The following ZSCAN32 variants were observed in gnomAD, a reference collection of about 807,000 sequenced individuals.
The protein encoded by ZSCAN32 is zinc finger and SCAN domain-containing protein 32.
A neutral mutation model predicts 47.4 loss-of-function variants in ZSCAN32; 52 were observed. That is an observed-to-expected ratio of 1.10 (90% confidence interval 0.88 to 1.38). The LOEUF (loss-of-function observed/expected upper bound fraction) is 1.38, where lower values mean the gene tolerates loss of function less well. ZSCAN32 is among the 40% of genes most tolerant of loss of function. The probability of loss-of-function intolerance (pLI) is 0.00; values close to 1 mark genes in which losing one functional copy is unlikely to be tolerated. For synonymous variants in ZSCAN32, 346 were observed against 305.7 expected (o/e 1.13, Z -1.38); for missense variants, 959 against 846.0 (o/e 1.13, Z -1.66).
intron 5 of ZSCAN32, among the ~76,000 whole-genome samples, chr16:3,389,359 T>C (rs1048026612): frequency 6.6e-6 from 1 of 152,042 alleles, no homozygotes; most frequent in Admixed American, 6.5e-5. Context: ...TAGCCAGGAG[T>C]ACCCTGCATG....
Position 3,383,722 on chromosome 16 carries a change from A to G in ZSCAN32, c.1235-11T>C, listed in dbSNP as rs375310276. ...TCTTGAACTCAAAACCTGAAAAAAA[A>G]AAACCCCACAGAAATACAATGGACT... is the stretch of plus-strand genomic sequence containing the variant. On this transcript the variant is annotated splice_polypyrimidine_tract_variant and intron_variant, in intron 6 of 6. Coordinates refer to ENST00000396852, the MANE Select transcript of ZSCAN32 (RefSeq NM_001284527.2). 4.5e-6 allele frequency: 7 copies of G among 1,564,188 alleles called. No individual in the cohort carries two copies. In the African/African-American group the frequency reaches 9.7e-5, roughly 22 times the overall value.
At chr16:3,393,170 C>CTATATT (rs1555474244) in intron 3 of ZSCAN32, among the ~76,000 whole-genome samples, 23 of 67,568 alleles carry the variant, frequency 3.4e-4, no homozygotes, top group African/African-American at 1.5e-3. Context: ...ATATATATTT[C>CTATATT]TATATATATA....
chr16:3,400,466 A>C lies in ZSCAN32; in HGVS notation c.-188+479T>G, dbSNP rs555518487. ...CCTGCACCCTTCTTGACCCCTTTTG[A>C]CCCCTTACCTCCCACTCATCGTTAA... On this transcript the variant is annotated intron_variant, in intron 1 of 6. Transcript: ENST00000396852. Among the ~76,000 whole-genome samples the C allele has an allele frequency of 9.2e-5, 14 of 152,004 alleles. No individual in the cohort carries two copies. In the South Asian group the frequency reaches 2.9e-3, roughly 32 times the overall value.
chr16:3,393,468 C>A, intron 3 of ZSCAN32, among the ~76,000 whole-genome samples, 181 bp downstream of exon 3: 1 of 150,214 alleles, frequency 6.7e-6, no homozygotes, highest in African/African-American at 2.5e-5. Flanking sequence ...TCAGGTGATC[C>A]GCCTGTCTGG....
chr16:3,398,758 A>C (rs935351208), intron 1 of ZSCAN32, among the ~76,000 whole-genome samples: 5 of 151,822 alleles, frequency 3.3e-5, no homozygotes, highest in African/African-American at 9.7e-5. Flanking sequence ...CCCAATTGCT[A>C]CCCTCTCCTC....
chr16:3,400,171 T>A (rs2033754876), intron 1 of ZSCAN32, among the ~76,000 whole-genome samples: 1 of 152,248 alleles, frequency 6.6e-6, no homozygotes, highest in Admixed American at 6.5e-5. Flanking sequence ...CTCAAGGAAC[T>A]TGAACTGCCT....
intron 6 of ZSCAN32, chr16:3,384,109 A>AG: frequency 2.0e-6 from 1 of 504,410 alleles, no homozygotes; most frequent in Non-Finnish European, 3.5e-6. Flanking sequence ...CAAGGTGCTA[A>AG]GTACCCAGCC....
intron 1 of ZSCAN32, 35 bp downstream of exon 1, chr16:3,400,910 T>C (rs2033849502): frequency 6.6e-6 from 1 of 152,322 alleles, no homozygotes; most frequent in Non-Finnish European, 1.5e-5. Context: ...GCCCAGCGGC[T>C]AATCCCGCCG....
intron 3 of ZSCAN32, among the ~76,000 whole-genome samples, chr16:3,392,383 T>G (rs1371836707): frequency 6.6e-6 from 1 of 151,968 alleles, no homozygotes; most frequent in Non-Finnish European, 1.5e-5. Context: ...CAATTTTTTT[T>G]TTTTTTTTTT....
chr16:3,384,318 G>T, intron 6 of ZSCAN32, 141 bp downstream of exon 6: 1 of 1,304,386 alleles, frequency 7.7e-7, no homozygotes, highest in Non-Finnish European at 1.1e-6. Context: ...TTAACTCCAT[G>T]AAAACCAAAA....
intron 3 of ZSCAN32, among the ~76,000 whole-genome samples, chr16:3,392,626 G>C (rs2032849301): frequency 6.6e-6 from 1 of 152,146 alleles, no homozygotes; most frequent in African/African-American, 2.4e-5. Context: ...AGGAGATCGA[G>C]ACCATCCTGG....
chr16:3,384,350 AGAT>A, intron 6 of ZSCAN32, 106 bp downstream of exon 6: 5 of 1,455,890 alleles, frequency 3.4e-6, no homozygotes, highest in South Asian at 1.3e-5. Context: ...TCACACATCA[AGAT>A]GATGATGATG....
rs2031773307 is a variant in ZSCAN32 at position 3,384,959 on chromosome 16, G to A, written c.752-18C>T. 1.9e-6 allele frequency: 3 copies of A among 1,603,364 alleles called. No individual in the cohort carries two copies. The East Asian group carries it at 6.7e-5, about 36-fold the overall frequency. ...ACCTGTTGCTGGGGGACAAAGAATA[G>A]GTCAATTAGATCTGTCAGTTAGATC... is the stretch of plus-strand genomic sequence containing the variant. On this transcript the variant is annotated intron_variant, in intron 5 of 6. Transcript: ENST00000396852.
At position 3,390,000 on chromosome 16, in the gene ZSCAN32, G is replaced by A. The variant is rs1033439155; in HGVS notation, c.751+10C>T. 9 of 1,604,518 alleles carry A rather than the reference G, an allele frequency of 5.6e-6. No individual in the cohort carries two copies. Among genetic ancestry groups the A allele is most frequent in the Non-Finnish European group, 7.7e-6 (9 of 1,175,180 alleles). On this transcript the variant is annotated intron_variant, in intron 5 of 6. Transcript: ENST00000396852. ...ATCCACCTTGACCTGGAGGGAAGAT[G>A]GATCCTTACCCAGCGAGACGTGACT...
chr16:3,393,606 T>C (rs2033075498), intron 3 of ZSCAN32, 43 bp downstream of exon 3: 2 of 1,463,164 alleles, frequency 1.4e-6, no homozygotes, highest in African/African-American at 2.8e-5. Context: ...AGTAAATGAT[T>C]GTTCCTCACC....
At chr16:3,384,271 G>A (rs1035937508) in intron 6 of ZSCAN32, 188 bp downstream of exon 6, 7 of 753,786 alleles carry the variant, frequency 9.3e-6, no homozygotes, top group Non-Finnish European at 1.5e-5. Context: ...GTTGGCAAAT[G>A]CAAAATCAGG....
chr16:3,386,850 G>A (rs964518069), intron 5 of ZSCAN32, among the ~76,000 whole-genome samples: 2 of 151,292 alleles, frequency 1.3e-5, no homozygotes, highest in African/African-American at 2.4e-5. Context: ...TAAATGACGA[G>A]TTCATGGGTG....
Position 3,383,255 on chromosome 16 carries a change from A to G in ZSCAN32, c.1691T>C (p.Leu564Pro). The G allele has an allele frequency of 6.2e-7, 1 of 1,614,020 alleles. No individual in the cohort carries two copies. Residue 564 changes from leucine to proline, a missense_variant, in exon 7 of 7, where the codon CTC becomes CCC. Transcript: ENST00000396852. Reference sequence around the variant, plus strand: ...TGTGTGAGTTCGTAGGTGGGCAGTGAGGTTGGAGCGCTCACTAAAGCCCTT... The same window carrying G: ...TGTGTGAGTTCGTAGGTGGGCAGTGGGGTTGGAGCGCTCACTAAAGCCCTT... ...CGKGFSERSNLTAHLRTHTGE... is the reference protein window; with the variant it reads ...CGKGFSERSNPTAHLRTHTGE...
At position 3,383,592 on chromosome 16, in the gene ZSCAN32, G is replaced by T. The variant is rs779628178; in HGVS notation, c.1354C>A (p.Gln452Lys). The T allele has an allele frequency of 6.2e-7, 1 of 1,613,744 alleles. No homozygotes were observed. The highest frequency in any genetic ancestry group is 8.5e-7 in the Non-Finnish European group (1 of 1,179,988). The change falls in exon 7 of 7, where the codon CAA (glutamine) becomes AAA (lysine). Residue 452 changes from glutamine to lysine, a missense_variant. Physicochemically the swap from Gln to Lys is moderately conservative, Grantham distance 53. Transcript: ENST00000396852. ...GTTGGCTCACTCTCCAAGCCTTTTT[G>T]TAGCTCAGAGTGCCAATAAACTCCT... ...SRGVYWHSEL[Q>K]KGLESEPTSR... is the part of the protein sequence containing the mutation.
Sources: allele counts gnomAD v4.1 joint callset (sites outside exome capture counted in the v4.1 genomes callset), GRCh38; gene constraint gnomAD v4.1.1; transcripts MANE v1.5; gene names NCBI Gene and HGNC (gene_info 2026-07-23, HGNC 2026-07-21).